Variants in SLC25A21 observed in about 807,000 individuals in gnomAD.
SLC25A21 encodes the protein mitochondrial 2-oxodicarboxylate carrier.
A neutral mutation model predicts 43.8 loss-of-function variants in SLC25A21; 47 were observed. That is an observed-to-expected ratio of 1.07 (90% CI 0.85 to 1.37). The LOEUF (loss-of-function observed/expected upper bound fraction) is 1.37. SLC25A21 is among the 40% of genes most tolerant of loss of function. The pLI, the probability that SLC25A21 is intolerant of heterozygous loss-of-function variation, is 0.00. For synonymous variants in SLC25A21, 131 were observed against 121.3 expected (o/e 1.08, Z -0.52); for missense variants, 352 against 350.2 (o/e 1.00, Z -0.04).
At chr14:36,732,205 T>C (rs192117892) in intron 4 of SLC25A21, among the ~76,000 whole-genome samples, 73 of 152,092 alleles carry the variant, frequency 4.8e-4, no homozygotes, top group African/African-American at 1.8e-3. Flanking sequence ...TTTCCTTTAT[T>C]CATCTAATAT....
chr14:36,853,940 T>A (rs1889821498), intron 2 of SLC25A21, among the ~76,000 whole-genome samples: 1 of 152,230 alleles, frequency 6.6e-6, no homozygotes, highest in Admixed American at 6.5e-5. Flanking sequence ...GAAAATCTTT[T>A]AAACTATAGA....
At chr14:36,907,982 A>C (rs561624008) in intron 1 of SLC25A21, among the ~76,000 whole-genome samples, 13 of 152,320 alleles carry the variant, frequency 8.5e-5, no homozygotes, top group Middle Eastern at 6.8e-3. Context: ...AATATGGAAA[A>C]GCTTTACAGT....
intron 3 of SLC25A21, among the ~76,000 whole-genome samples, chr14:36,770,481 T>C (rs1006237056): frequency 1.3e-5 from 2 of 152,172 alleles, no homozygotes; most frequent in African/African-American, 4.8e-5. Context: ...GCAATACATG[T>C]ACAGTAACAA....
chr14:37,025,585 T>C (rs573342712), intron 1 of SLC25A21, among the ~76,000 whole-genome samples: 2 of 152,260 alleles, frequency 1.3e-5, no homozygotes, highest in Admixed American at 1.3e-4. Flanking sequence ...TCAATTTAAA[T>C]AGAAAATATA....
At chr14:37,001,008 C>T (rs1182979558) in intron 1 of SLC25A21, among the ~76,000 whole-genome samples, 3 of 152,050 alleles carry the variant, frequency 2.0e-5, no homozygotes, top group East Asian at 1.9e-4. Context: ...ACACCTTCTC[C>T]GACCACCCTA....
chr14:37,142,998 C>T (rs1963596439), intron 1 of SLC25A21, among the ~76,000 whole-genome samples: 1 of 152,146 alleles, frequency 6.6e-6, no homozygotes, highest in Non-Finnish European at 1.5e-5. Context: ...GGGAGCTGTC[C>T]CTCCTGGTAG....
At chr14:37,043,839 ATCC>A (rs1485344491) in intron 1 of SLC25A21, among the ~76,000 whole-genome samples, 1 of 151,470 alleles carries the variant, frequency 6.6e-6, no homozygotes, top group Non-Finnish European at 1.5e-5. Flanking sequence ...GACTCAAGTG[ATCC>A]TCCTGCCTCA....
At chr14:36,776,397 A>T (rs375983702) in intron 3 of SLC25A21, among the ~76,000 whole-genome samples, 1 of 150,844 alleles carries the variant, frequency 6.6e-6, no homozygotes, top group South Asian at 2.1e-4. Flanking sequence ...CCACCATGCC[A>T]GGCTAATTTT....
rs1890803808 is a variant in SLC25A21 at position 36,883,315 on chromosome 14, C to G, written c.71-8311G>C. Among the ~76,000 whole-genome samples, 3 of 152,144 alleles carry G rather than the reference C, an allele frequency of 2.0e-5. No individual in the cohort carries two copies. In the South Asian group the frequency reaches 6.2e-4, roughly 32 times the overall value. The stretch of plus-strand genomic sequence containing the variant: ...CTTCAGTAATAGGCCTTTGGTCTAG[C>G]TGTTCCCTCTGCCTAGAATGCTCTT... On this transcript the variant is annotated intron_variant, in intron 1 of 9. Coordinates refer to ENST00000331299, the MANE Select transcript of SLC25A21 (RefSeq NM_030631.4).
intron 1 of SLC25A21, among the ~76,000 whole-genome samples, chr14:36,975,985 AT>A (rs1242243161): frequency 1.3e-5 from 2 of 152,234 alleles, no homozygotes; most frequent in Non-Finnish European, 2.9e-5. Flanking sequence ...GGCAGTGTCA[AT>A]GTAAACCAAC....
intron 3 of SLC25A21, among the ~76,000 whole-genome samples, chr14:36,798,601 G>A (rs1887755398): frequency 6.6e-6 from 1 of 151,058 alleles, no homozygotes; most frequent in South Asian, 2.1e-4. Context: ...AGAGGACTGT[G>A]TACACATGGG....
At chr14:36,685,528 T>C (rs1251556735) in intron 7 of SLC25A21, among the ~76,000 whole-genome samples, 1 of 152,200 alleles carries the variant, frequency 6.6e-6, no homozygotes, top group Non-Finnish European at 1.5e-5. Flanking sequence ...ATTCTGTGCA[T>C]TATAAACAGT....
intron 7 of SLC25A21, among the ~76,000 whole-genome samples, chr14:36,701,290 A>G (rs1251676831): frequency 3.3e-5 from 5 of 152,194 alleles, no homozygotes; most frequent in African/African-American, 9.7e-5. Flanking sequence ...TTCATGCGAG[A>G]TAATTTAGGG....
intron 3 of SLC25A21, among the ~76,000 whole-genome samples, chr14:36,788,466 C>T (rs17105314): frequency 0.19 from 27,734 of 149,644 alleles, 2,865 homozygotes; most frequent in East Asian, 0.3. Flanking sequence ...CCGAGGCAGG[C>T]GGCTGGGTAC....
At chr14:36,798,730 G>A (rs1887759964) in intron 3 of SLC25A21, among the ~76,000 whole-genome samples, 1 of 152,070 alleles carries the variant, frequency 6.6e-6, no homozygotes, top group South Asian at 2.1e-4. Context: ...AATGTTGTTT[G>A]CCCTTCATCT....
chr14:36,977,954 TAA>T (rs36000189), intron 1 of SLC25A21, among the ~76,000 whole-genome samples: 4,883 of 121,070 alleles, frequency 0.04, 258 homozygotes, highest in African/African-American at 0.13. Context: ...TTTTTTTTTT[TAA>T]AAAAAAAAAA....
chr14:37,050,494 C>T (rs1961680856), intron 1 of SLC25A21, among the ~76,000 whole-genome samples: 1 of 152,206 alleles, frequency 6.6e-6, no homozygotes, highest in Non-Finnish European at 1.5e-5. Flanking sequence ...TCTCTCTCTG[C>T]TTACCAAGTG....
At chr14:36,862,522 C>T (rs1890097078) in intron 2 of SLC25A21, among the ~76,000 whole-genome samples, 1 of 152,166 alleles carries the variant, frequency 6.6e-6, no homozygotes, top group Admixed American at 6.5e-5. Flanking sequence ...GAAAACCAAA[C>T]AGTGCATGTT....
chr14:37,034,802 A>G (rs1253513353), intron 1 of SLC25A21, among the ~76,000 whole-genome samples: 1 of 152,224 alleles, frequency 6.6e-6, no homozygotes, highest in Non-Finnish European at 1.5e-5. Context: ...TAAGAAGCAA[A>G]GGGGAGCTGT....
Sources: allele counts gnomAD v4.1 joint callset (sites outside exome capture counted in the v4.1 genomes callset), GRCh38; gene constraint gnomAD v4.1.1; transcripts MANE v1.5; gene names NCBI Gene and HGNC (gene_info 2026-07-23, HGNC 2026-07-21).